The following HYCC1 variants were observed in gnomAD, a reference collection of about 807,000 sequenced individuals.
HYCC1 encodes hyccin PI4KA lipid kinase complex subunit 1, also known as hyccin.
At chr7:22,933,999 G>A in the HYCC1 span, among the ~76,000 whole-genome samples, 1 of 152,120 alleles carries the variant, frequency 6.6e-6, no homozygotes, top group Admixed American at 6.6e-5. Context: ...TTGACTTGAA[G>A]CTAAGTTACA....
the HYCC1 span, among the ~76,000 whole-genome samples, chr7:22,923,550 T>C: frequency 1.3e-5 from 2 of 151,752 alleles, no homozygotes; most frequent in Admixed American, 6.6e-5. Flanking sequence ...TAGTAAGAAT[T>C]AGAGCAGAAA....
chr7:22,949,222 A>G, the HYCC1 span, among the ~76,000 whole-genome samples: 1 of 152,094 alleles, frequency 6.6e-6, no homozygotes, highest in African/African-American at 2.4e-5. Context: ...TATATTATTC[A>G]ATTGTAATCT....
chr7:22,895,873 T>A, the HYCC1 span, among the ~76,000 whole-genome samples: 1 of 152,224 alleles, frequency 6.6e-6, no homozygotes, highest in African/African-American at 2.4e-5. Flanking sequence ...TATGATGATT[T>A]CCTTATGTTG....
chr7:22,962,660 A>C, the HYCC1 span, among the ~76,000 whole-genome samples: 4 of 151,944 alleles, frequency 2.6e-5, no homozygotes, highest in Admixed American at 2.6e-4. Flanking sequence ...AGGACTACTG[A>C]GAAACTCCCA....
chr7:22,928,875 A>C, the HYCC1 span, among the ~76,000 whole-genome samples: 1 of 152,156 alleles, frequency 6.6e-6, no homozygotes, highest in Non-Finnish European at 1.5e-5. Flanking sequence ...AAGAGCCCGC[A>C]TTGCCAAGTC....
chr7:22,926,131 C>T, the HYCC1 span, among the ~76,000 whole-genome samples: 1 of 152,108 alleles, frequency 6.6e-6, no homozygotes, highest in Admixed American at 6.5e-5. Flanking sequence ...CAAGCAAATG[C>T]TGAGAGATTT....
the HYCC1 span, among the ~76,000 whole-genome samples, chr7:22,923,710 G>T: frequency 6.6e-6 from 1 of 152,026 alleles, no homozygotes; most frequent in African/African-American, 2.4e-5. Flanking sequence ...AAAATAGGGG[G>T]CATTACTACT....
chr7:22,998,815 A>G, the HYCC1 span, among the ~76,000 whole-genome samples: 2 of 152,142 alleles, frequency 1.3e-5, no homozygotes, highest in African/African-American at 4.8e-5. Flanking sequence ...TGAACACACC[A>G]TGACATCAGA....
At chr7:22,913,967 A>G in the HYCC1 span, among the ~76,000 whole-genome samples, 1 of 152,188 alleles carries the variant, frequency 6.6e-6, no homozygotes, top group Non-Finnish European at 1.5e-5. Context: ...ACCAATTTCA[A>G]ATTGGGTAAG....
chr7:22,976,702 G>T, the HYCC1 span: 1 of 1,597,972 alleles, frequency 6.3e-7, no homozygotes, highest in Non-Finnish European at 8.6e-7. Flanking sequence ...CCGATTCTGT[G>T]CTGTCAGCAT....
chr7:22,948,717 C>T, the HYCC1 span, among the ~76,000 whole-genome samples: 1 of 151,964 alleles, frequency 6.6e-6, no homozygotes, highest in African/African-American at 2.4e-5. Flanking sequence ...GTAATTATTT[C>T]CCCTAAATTA....
chr7:22,937,199 A>C, the HYCC1 span: 1 of 152,324 alleles, frequency 6.6e-6, no homozygotes, highest in East Asian at 1.9e-4. Flanking sequence ...TGTTGGCTAA[A>C]TGAAGAGAGT....
chr7:22,910,455 G>A, the HYCC1 span, among the ~76,000 whole-genome samples: 9 of 152,252 alleles, frequency 5.9e-5, no homozygotes, highest in Non-Finnish European at 1.2e-4. Context: ...CTGCAGAATC[G>A]GAAGCCAAAT....
chr7:22,955,221 C>T, the HYCC1 span, among the ~76,000 whole-genome samples: 1 of 151,528 alleles, frequency 6.6e-6, no homozygotes, highest in Non-Finnish European at 1.5e-5. Context: ...GTTTCAAAAA[C>T]TTACAGTTTT....
chr7:22,999,506 T>C, the HYCC1 span, among the ~76,000 whole-genome samples: 4 of 152,190 alleles, frequency 2.6e-5, no homozygotes, highest in Non-Finnish European at 5.9e-5. Flanking sequence ...CAATTGCATA[T>C]TAAATAACAT....
chr7:22,922,533 C>A, the HYCC1 span, among the ~76,000 whole-genome samples: 1 of 152,184 alleles, frequency 6.6e-6, no homozygotes, highest in South Asian at 2.1e-4. Flanking sequence ...ATTGCTAGCC[C>A]AAGAAAAGAT....
At chr7:22,909,718 C>A in the HYCC1 span, among the ~76,000 whole-genome samples, 1,595 of 152,312 alleles carry the variant, frequency 0.01, 8 homozygotes, top group Non-Finnish European at 0.018. Flanking sequence ...GTTCCCTCTG[C>A]CTGATACTTC....
At chr7:23,002,476 C>T in the HYCC1 span, among the ~76,000 whole-genome samples, 1 of 152,034 alleles carries the variant, frequency 6.6e-6, no homozygotes, top group Non-Finnish European at 1.5e-5. Context: ...AACACAAATA[C>T]CCTGTAAACA....
chr7:22,993,191 G>C, the HYCC1 span, among the ~76,000 whole-genome samples: 1 of 152,030 alleles, frequency 6.6e-6, no homozygotes, highest in Non-Finnish European at 1.5e-5. Flanking sequence ...ACATGGGGAG[G>C]ACAAAAAGAA....
Sources: allele counts gnomAD v4.1 joint callset (sites outside exome capture counted in the v4.1 genomes callset), GRCh38; gene constraint gnomAD v4.1.1; transcripts MANE v1.5; gene names NCBI Gene and HGNC (gene_info 2026-07-23, HGNC 2026-07-21).